The following DDX11 variants were observed in gnomAD, a reference collection of about 807,000 sequenced individuals.
The protein encoded by DDX11 is ATP-dependent DNA helicase DDX11.
DDX11 carries 72 observed loss-of-function variants against 125.2 expected under a neutral mutation model. The ratio of observed to expected loss-of-function variants is 0.58; its 90% CI spans 0.48 to 0.70. The LOEUF is 0.70. Ranked by LOEUF, DDX11 falls within the 30% of genes least tolerant of loss-of-function variation. The pLI is 0.00. For synonymous variants in DDX11, 347 were observed against 452.6 expected (o/e 0.77, Z 2.96); for missense variants, 883 against 1,165.0 (o/e 0.76, Z 3.52).
chr12:31,095,726 C>T (rs1172118324), intron 14 of DDX11, among the ~76,000 whole-genome samples: 1 of 152,240 alleles, frequency 6.6e-6, no homozygotes, highest in Admixed American at 6.5e-5. Flanking sequence ...ACAGCTGGGA[C>T]ATGGGTGCAG....
In DDX11 at chr12:31,093,276, C is replaced by T; in HGVS notation, c.1321C>T (p.Leu441=). Residue 441 remains leucine, a synonymous_variant, in exon 12 of 27, where the codon CTG becomes TTG. Coordinates refer to ENST00000542838, the MANE Select transcript of DDX11 (RefSeq NM_030653.4). ...TTTGAAGGCCAAGAACCTGATGTACCTGAAGCAGATCCTGTATTTGCTGGA... is the reference window on the plus strand; with the variant it reads ...TTTGAAGGCCAAGAACCTGATGTACTTGAAGCAGATCCTGTATTTGCTGGA... ...KRLKAKNLMY[L]KQILYLLEKF... 6.2e-7 allele frequency: 1 copy of T among 1,613,458 alleles called. No individual in the cohort carries two copies. The highest frequency in any genetic ancestry group is 1.7e-4 in the Middle Eastern group (1 of 6,056).
chr12:31,087,903 G>A (rs1380018869), intron 5 of DDX11, 35 bp from the exon 6 acceptor site: 1 of 1,601,390 alleles, frequency 6.2e-7, no homozygotes, highest in South Asian at 1.1e-5. Flanking sequence ...GTTTGCTGAG[G>A]GAAGACTGTT....
intron 19 of DDX11, 125 bp downstream of exon 19, chr12:31,100,832 C>G (rs551000161): frequency 8.7e-7 from 1 of 1,145,162 alleles, no homozygotes; most frequent in Non-Finnish European, 1.3e-6. Context: ...GGAGCCTCAC[C>G]CTTCGTGCGC....
At chr12:31,075,458 G>A (rs1309494929) in intron 1 of DDX11, among the ~76,000 whole-genome samples, 2 of 151,922 alleles carry the variant, frequency 1.3e-5, no homozygotes, top group Non-Finnish European at 2.9e-5. Flanking sequence ...CTGAGTTCAA[G>A]CACTTGCTGA....
intron 1 of DDX11, among the ~76,000 whole-genome samples, chr12:31,077,576 G>A (rs1452356075): frequency 1.3e-5 from 2 of 152,042 alleles, no homozygotes; most frequent in East Asian, 1.9e-4. Context: ...GGCCGGGTGC[G>A]GTGGCTCACG....
chr12:31,085,164 A>C, intron 5 of DDX11, 38 bp downstream of exon 5: 1 of 1,387,370 alleles, frequency 7.2e-7, no homozygotes, highest in Non-Finnish European at 9.9e-7. Flanking sequence ...GCCCCAGGCC[A>C]GGGGACACCC....
rs747245619 is a variant in DDX11 at position 31,103,333 on chromosome 12, A to G, written c.2474A>G (p.Gln825Arg). 1.2e-4 allele frequency: 186 copies of G among 1,611,034 alleles called. No homozygotes were observed. Among genetic ancestry groups the G allele is most frequent in the Non-Finnish European group, 1.5e-4 (175 of 1,179,676 alleles). Residue 825 changes from glutamine to arginine, a missense_variant, in exon 25 of 27, where the codon CAG (glutamine) becomes CGG (arginine). By Grantham distance (43) the Gln-to-Arg change is conservative. Around this residue, in one of 5 missense-constraint regions of DDX11, gnomAD observed 285 missense variants for 346.0 expected, o/e 0.82. Transcript: ENST00000542838. ...CACTCCCAGCCCAGAGCCCCCGGCC[A>G]GGCACCCCCAGGGAAGGCTCTGGTG... Reference protein sequence around the residue: ...LDQTLPRAPGQAPPGKALVEN... With the variant: ...LDQTLPRAPGRAPPGKALVEN...
At position 31,096,884 on chromosome 12, in the gene DDX11, T is replaced by A. The variant is rs1235101534; in HGVS notation, c.1656T>A (p.Ser552Arg). 2 of 1,613,844 alleles carry A rather than the reference T, an allele frequency of 1.2e-6. No individual in the cohort carries two copies. The highest frequency in any genetic ancestry group is 2.7e-5 in the African/African-American group (2 of 74,844). The change falls in exon 17 of 27, where the codon AGT becomes AGA. Residue 552 changes from serine (S) to arginine (R), a missense_variant. By Grantham distance (110) the Ser-to-Arg change is moderately radical. This residue lies in a region of DDX11 where 241 missense variants were observed against 279.7 expected (regional missense o/e 0.86). Coordinates refer to ENST00000542838, the MANE Select transcript of DDX11 (RefSeq NM_030653.4). ...TEALAAPADE[S>R]QASTLRPASP... ...CTCTTGCAGCCCCTGCAGACGAGAG[T>A]CAGGCCAGCACCCTGCGACCAGCTT...
chr12:31,078,605 T>C, intron 2 of DDX11, 68 bp downstream of exon 2: 1 of 1,610,150 alleles, frequency 6.2e-7, no homozygotes, highest in Non-Finnish European at 8.5e-7. Context: ...TTTTCCTGTT[T>C]GCCTATCCAG....
chr12:31,102,199 G>A (rs1038416364), intron 21 of DDX11, 44 bp from the exon 22 acceptor site: 3 of 1,600,232 alleles, frequency 1.9e-6, no homozygotes. Context: ...TCGAGACCTG[G>A]CACCCTGAAC....
At position 31,104,777 on chromosome 12, in the gene DDX11, AGT is replaced by A. The variant is rs1946940895; in HGVS notation, c.*945_*946del. On this transcript the variant is annotated 3_prime_UTR_variant, in exon 27 of 27. Coordinates refer to ENST00000542838, the MANE Select transcript of DDX11 (RefSeq NM_030653.4). ...GCACAGCTATAGGTCCTTAAATAAA[AGT>A]GTGCTGTTGGTTTCTGCTGAGTTTT... 1 of 152,690 alleles carries A rather than the reference AGT, an allele frequency of 6.5e-6. No homozygotes were observed. Among genetic ancestry groups the A allele is most frequent in the Non-Finnish European group, 1.5e-5 (1 of 68,378 alleles). The allele number at this position is 152,690 out of a possible 1,614,324, so 9.5% of individuals were successfully genotyped here. A position where few individuals can be genotyped will look rare whatever the true frequency, so the allele number is the denominator to read the frequency against.
chr12:31,092,950 C>T, intron 11 of DDX11, 58 bp downstream of exon 11: 1 of 1,602,178 alleles, frequency 6.2e-7, no homozygotes, highest in Non-Finnish European at 8.6e-7. Flanking sequence ...CTGCGTGGGC[C>T]TCTGAGAGGC....
intron 1 of DDX11, among the ~76,000 whole-genome samples, chr12:31,075,079 C>T (rs1439364043): frequency 1.3e-5 from 2 of 152,192 alleles, no homozygotes; most frequent in African/African-American, 2.4e-5. Context: ...GTTTTATGAG[C>T]GTGAGCTTTG....
chr12:31,089,622 CCT>C, intron 8 of DDX11, 132 bp downstream of exon 8: 1 of 1,080,142 alleles, frequency 9.3e-7, no homozygotes, highest in Non-Finnish European at 1.4e-6. Context: ...TCCTGAGTCC[CCT>C]CTCCTTGGGA....
Position 31,104,788 on chromosome 12 carries a change from G to A in DDX11, c.*952G>A. On this transcript the variant is annotated 3_prime_UTR_variant, in exon 27 of 27. Coordinates refer to ENST00000542838, the MANE Select transcript of DDX11 (RefSeq NM_030653.4). ...GGTCCTTAAATAAAAGTGTGCTGTT[G>A]GTTTCTGCTGAGTTTTTTATTGATA... is the stretch of plus-strand genomic sequence containing the variant. 1 of 152,802 alleles carries A rather than the reference G, an allele frequency of 6.5e-6. No individual in the cohort carries two copies. Among genetic ancestry groups the A allele is most frequent in the South Asian group, 2.1e-4 (1 of 4,828 alleles). 9.5% of individuals were successfully genotyped at this position (152,802 alleles called of 1,614,324 possible).
rs1199978258 is a variant in DDX11, at chr12:31,084,621, G to A, written c.432G>A (p.Leu144=). 3 of 1,595,662 alleles carry A rather than the reference G, an allele frequency of 1.9e-6. No homozygotes were observed. The highest frequency in any genetic ancestry group is 2.6e-6 in the Non-Finnish European group (3 of 1,169,716). ...QARRKQREER[L]QQLQHRVQLK... Reference sequence around the variant, plus strand: ...GGAGGAAGCAGCGAGAAGAACGCCTGCAGCAGCTGCAGCACAGGGTGCAGC... The same window carrying A: ...GGAGGAAGCAGCGAGAAGAACGCCTACAGCAGCTGCAGCACAGGGTGCAGC... The change falls in exon 4 of 27, where the codon CTG becomes CTA. Residue 144 remains leucine, a synonymous_variant. Coordinates refer to ENST00000542838, the MANE Select transcript of DDX11 (RefSeq NM_030653.4).
chr12:31,092,559 C>T (rs996447927), intron 10 of DDX11, among the ~76,000 whole-genome samples: 4 of 104,626 alleles, frequency 3.8e-5, no homozygotes, highest in East Asian at 5.9e-4. Context: ...TTTCCCAACC[C>T]GGTGGAAACT....
intron 6 of DDX11, 111 bp downstream of exon 6, chr12:31,088,094 G>C: frequency 6.6e-7 from 1 of 1,510,878 alleles, no homozygotes; most frequent in Admixed American, 1.9e-5. Context: ...TCTCCACAAA[G>C]GAGGAGCTTC....
At chr12:31,101,699 C>T in intron 20 of DDX11, 134 bp from the exon 21 acceptor site, 1 of 1,267,124 alleles carries the variant, frequency 7.9e-7, no homozygotes, top group South Asian at 1.3e-5. Flanking sequence ...CCAGGGGAGC[C>T]AAGTCCTCTT....
Sources: gnomAD v4.1 joint callset for allele counts (sites outside exome capture counted in the v4.1 genomes callset) on GRCh38, gnomAD v4.1.1 for gene constraint, gnomAD v4.1.1 regional missense constraint, MANE v1.5 for transcripts, NCBI Gene and HGNC (gene_info 2026-07-23, HGNC 2026-07-21) for gene names.